PLCB1: variants seen among roughly 807,000 people sequenced by gnomAD.
PLCB1 encodes the protein 1-phosphatidylinositol 4,5-bisphosphate phosphodiesterase beta-1.
A neutral mutation model predicts 161.8 loss-of-function variants in PLCB1; 46 were observed. That is an observed-to-expected ratio of 0.28 (90% CI 0.22 to 0.36). The LOEUF is 0.36. PLCB1 is among the 10% of genes least tolerant of loss of function. The pLI is 1.00. For synonymous variants in PLCB1, 517 were observed against 503.7 expected, an observed-to-expected ratio of 1.03 and a Z score of -0.35; for missense variants, 1,016 against 1,472.5, an observed-to-expected ratio of 0.69 and a Z score of 5.07.
chr20:8,774,163 A>C (rs1389488226), intron 26 of PLCB1, among the ~76,000 whole-genome samples: 2 of 152,244 alleles, frequency 1.3e-5, no homozygotes, highest in Non-Finnish European at 2.9e-5. Context: ...GGGAAAGGTA[A>C]CTGGGAATGC....
At chr20:8,303,205 T>G (rs535085183) in intron 2 of PLCB1, among the ~76,000 whole-genome samples, 1 of 152,354 alleles carries the variant, frequency 6.6e-6, no homozygotes, top group African/African-American at 2.4e-5. Flanking sequence ...AAAATGTTTC[T>G]TGTTTCCTCC....
intron 23 of PLCB1, among the ~76,000 whole-genome samples, chr20:8,750,488 T>G (rs1981399719): frequency 6.6e-6 from 1 of 152,172 alleles, no homozygotes; most frequent in African/African-American, 2.4e-5. Flanking sequence ...TAATTAAAAT[T>G]TTGATGCTTT....
At chr20:8,779,116 T>C (rs940315649) in intron 27 of PLCB1, among the ~76,000 whole-genome samples, 3 of 152,152 alleles carry the variant, frequency 2.0e-5, no homozygotes, top group African/African-American at 7.2e-5. Context: ...CAAAATTGCT[T>C]TGGGGATTAA....
At chr20:8,398,680 A>G (rs1298265993) in intron 3 of PLCB1, among the ~76,000 whole-genome samples, 1 of 152,086 alleles carries the variant, frequency 6.6e-6, no homozygotes, top group East Asian at 1.9e-4. Flanking sequence ...ACGCCCTATC[A>G]CGTTGGGGTT....
chr20:8,710,414 A>G (rs1334057147), intron 12 of PLCB1, among the ~76,000 whole-genome samples: 2 of 151,402 alleles, frequency 1.3e-5, no homozygotes, highest in African/African-American at 4.9e-5. Context: ...ACAATTTGAC[A>G]TGAGATTTGG....
intron 2 of PLCB1, among the ~76,000 whole-genome samples, chr20:8,348,398 T>C (rs1170799851): frequency 6.6e-6 from 1 of 152,188 alleles, no homozygotes; most frequent in East Asian, 1.9e-4. Flanking sequence ...CTGAGCTAAA[T>C]TCTGGCAAAG....
chr20:8,723,625 T>G (rs999861504), intron 15 of PLCB1, among the ~76,000 whole-genome samples: 3 of 152,154 alleles, frequency 2.0e-5, no homozygotes, highest in African/African-American at 4.8e-5. Context: ...TTCACATAAA[T>G]TAACTTATTT....
At chr20:8,177,192 T>G (rs1362421157) in intron 2 of PLCB1, among the ~76,000 whole-genome samples, 1 of 152,018 alleles carries the variant, frequency 6.6e-6, no homozygotes, top group Non-Finnish European at 1.5e-5. Context: ...AGTGATTAGG[T>G]CATGAGAGCT....
chr20:8,737,329 CA>C, intron 20 of PLCB1, 137 bp downstream of exon 20: 2 of 709,060 alleles, frequency 2.8e-6, no homozygotes, highest in South Asian at 3.8e-5. Flanking sequence ...TTTTGAAAGC[CA>C]TTCTGAAAAC....
intron 3 of PLCB1, among the ~76,000 whole-genome samples, chr20:8,510,579 C>T (rs530086172): frequency 6.6e-6 from 1 of 151,824 alleles, no homozygotes; most frequent in African/African-American, 2.4e-5. Context: ...TTAGTAGAGG[C>T]GAGGTTTCGC....
At chr20:8,704,549 T>G (rs1457528567) in intron 11 of PLCB1, among the ~76,000 whole-genome samples, 1 of 152,226 alleles carries the variant, frequency 6.6e-6, no homozygotes, top group African/African-American at 2.4e-5. Context: ...TACAATCAAG[T>G]TTTAAGCTTT....
chr20:8,733,867 A>T (rs1235988019), intron 19 of PLCB1, among the ~76,000 whole-genome samples: 1 of 149,424 alleles, frequency 6.7e-6, no homozygotes, highest in Non-Finnish European at 1.5e-5. Flanking sequence ...CACGCCTGTA[A>T]TCCCAGCACT....
intron 22 of PLCB1, 63 bp from the exon 23 acceptor site, chr20:8,741,401 G>C: frequency 9.0e-7 from 1 of 1,116,662 alleles, no homozygotes; most frequent in Admixed American, 1.8e-5. Flanking sequence ...TGAGTAAGTA[G>C]ATGAATGATG....
chr20:8,478,633 T>C (rs1220212251), intron 3 of PLCB1, among the ~76,000 whole-genome samples: 1 of 152,186 alleles, frequency 6.6e-6, no homozygotes, highest in Admixed American at 6.5e-5. Flanking sequence ...TTGGGGAAAC[T>C]GTAGAAATTC....
intron 3 of PLCB1, among the ~76,000 whole-genome samples, chr20:8,460,995 G>A (rs930447074): frequency 6.6e-6 from 1 of 152,158 alleles, no homozygotes; most frequent in African/African-American, 2.4e-5. Context: ...GTGGCCACTT[G>A]CCCGATGTGG....
intron 31 of PLCB1, among the ~76,000 whole-genome samples, chr20:8,871,095 C>T (rs1987593719): frequency 6.6e-6 from 1 of 152,164 alleles, no homozygotes; most frequent in African/African-American, 2.4e-5. Flanking sequence ...TAATGTGCAT[C>T]CATCTGTGAA....
At chr20:8,161,688 A>G (rs1159606271) in intron 2 of PLCB1, among the ~76,000 whole-genome samples, 1 of 152,154 alleles carries the variant, frequency 6.6e-6, no homozygotes, top group African/African-American at 2.4e-5. Context: ...TGCACAATGA[A>G]ATCACAGGGG....
chr20:8,412,606 A>T (rs2122516464), intron 3 of PLCB1, among the ~76,000 whole-genome samples: 1 of 152,302 alleles, frequency 6.6e-6, no homozygotes, highest in South Asian at 2.1e-4. Flanking sequence ...CAGGTCCATT[A>T]TTTGACCTCC....
At chr20:8,345,261 C>CTGTTTA (rs1985961075) in intron 2 of PLCB1, among the ~76,000 whole-genome samples, 1 of 152,034 alleles carries the variant, frequency 6.6e-6, no homozygotes. Context: ...GTTCCTTTTA[C>CTGTTTA]TGTTTATTCT....
Sources: gnomAD v4.1 joint callset for allele counts (sites outside exome capture counted in the v4.1 genomes callset) on GRCh38, gnomAD v4.1.1 for gene constraint, MANE v1.5 for transcripts, NCBI Gene and HGNC (gene_info 2026-07-23, HGNC 2026-07-21) for gene names.